The following PPP1R9A variants were observed in gnomAD, a reference collection of about 807,000 sequenced individuals.
PPP1R9A encodes the protein neurabin-1.
PPP1R9A carries 59 observed loss-of-function variants against 141.9 expected under a neutral mutation model. That is an observed-to-expected ratio of 0.42 (90% CI 0.34 to 0.52). The LOEUF is 0.52. Ranked by LOEUF, PPP1R9A falls within the 20% of genes least tolerant of loss-of-function variation. PPP1R9A has a pLI of 0.10. For synonymous variants in PPP1R9A, 500 were observed against 569.7 expected (o/e 0.88, Z 1.74); for missense variants, 1,444 against 1,611.9 (o/e 0.90, Z 1.78).
At position 94,987,567 on chromosome 7, in the gene PPP1R9A, C is replaced by G. The variant is rs192911882; in HGVS notation, c.1395+76059C>G. 3.7e-3 allele frequency among the ~76,000 whole-genome samples: 556 copies of G among 152,184 alleles called. 3 individuals are homozygous for G. The highest frequency in any genetic ancestry group is 0.013 in the African/African-American group (521 of 41,546). On this transcript the variant is annotated intron_variant, in intron 2 of 19. Transcript: ENST00000433360. ...CTGTAGCGTTATTTAAACTAGTGAACAGTCACATACCCTTACCCTAAAAGT... is the reference window on the plus strand; with the variant it reads ...CTGTAGCGTTATTTAAACTAGTGAAGAGTCACATACCCTTACCCTAAAAGT...
At chr7:95,036,857 TAC>T (rs1372067979) in intron 2 of PPP1R9A, 9 of 152,154 alleles carry the variant, frequency 5.9e-5, no homozygotes, top group African/African-American at 2.2e-4. Context: ...AGAGAATCCA[TAC>T]ACACTATCCA....
intron 4 of PPP1R9A, among the ~76,000 whole-genome samples, chr7:95,144,065 A>C (rs965905784): frequency 6.6e-6 from 1 of 152,158 alleles, no homozygotes; most frequent in South Asian, 2.1e-4. Context: ...ATTGTTAACT[A>C]TACTCACTAT....
At chr7:95,056,159 A>G (rs1477813762) in intron 2 of PPP1R9A, among the ~76,000 whole-genome samples, 1 of 152,232 alleles carries the variant, frequency 6.6e-6, no homozygotes, top group East Asian at 1.9e-4. Flanking sequence ...ACATTTCCTA[A>G]AGGCTGACAT....
At chr7:95,079,875 G>A (rs1321541801) in intron 2 of PPP1R9A, among the ~76,000 whole-genome samples, 1 of 152,200 alleles carries the variant, frequency 6.6e-6, no homozygotes, top group Non-Finnish European at 1.5e-5. Context: ...AAAGGCCTTT[G>A]ACAAAATTCA....
intron 17 of PPP1R9A, among the ~76,000 whole-genome samples, chr7:95,284,700 T>C (rs1804953229): frequency 6.6e-6 from 1 of 152,230 alleles, no homozygotes; most frequent in East Asian, 1.9e-4. Flanking sequence ...GCATCCTTAT[T>C]TATTTCTTCT....
intron 2 of PPP1R9A, among the ~76,000 whole-genome samples, chr7:95,108,281 CTTTTCT>C (rs1563246530): frequency 3.6e-5 from 4 of 111,934 alleles, no homozygotes; most frequent in Non-Finnish European, 7.0e-5. Context: ...TTTTCTTTTT[CTTTTCT>C]TTTCTTTTTC....
At position 94,986,760 on chromosome 7, in the gene PPP1R9A, G is replaced by T. The variant is rs555138318; in HGVS notation, c.1395+75252G>T. ...ACAATTATTATGTGTCAATTAAAAA[G>T]AAAAGGGAAAAAGAAATAGATTTAT... On this transcript the variant is annotated intron_variant, in intron 2 of 19. Transcript: ENST00000433360. Among the ~76,000 whole-genome samples, 141 of 152,224 alleles carry T rather than the reference G, an allele frequency of 9.3e-4. 1 individual carries two copies. Among genetic ancestry groups the T allele is most frequent in the African/African-American group, 3.3e-3 (138 of 41,552 alleles).
intron 5 of PPP1R9A, among the ~76,000 whole-genome samples, chr7:95,178,717 T>C (rs1833267144): frequency 6.6e-6 from 1 of 152,086 alleles, no homozygotes; most frequent in Non-Finnish European, 1.5e-5. Flanking sequence ...ACCACAGAAA[T>C]ACAAAAGATC....
intron 2 of PPP1R9A, among the ~76,000 whole-genome samples, chr7:95,093,757 T>G (rs2152353136): frequency 6.6e-6 from 1 of 152,314 alleles, no homozygotes; most frequent in Non-Finnish European, 1.5e-5. Flanking sequence ...TACATCTATG[T>G]TATTAAGTCA....
At chr7:94,907,472 C>T (rs1231595001), upstream of PPP1R9A, among the ~76,000 whole-genome samples, 2 of 152,102 alleles carry the variant, frequency 1.3e-5, no homozygotes, top group African/African-American at 2.4e-5. Flanking sequence ...GGGGCCCCAG[C>T]AGCGGTCAGC....
At chr7:95,166,399 G>C (rs181125685) in intron 5 of PPP1R9A, among the ~76,000 whole-genome samples, 1 of 152,186 alleles carries the variant, frequency 6.6e-6, no homozygotes, top group East Asian at 1.9e-4. Flanking sequence ...AAACAAACTA[G>C]AAAACTTAGA....
chr7:95,287,192 T>G, intron 18 of PPP1R9A: 1 of 1,575,712 alleles, frequency 6.3e-7, no homozygotes, highest in East Asian at 2.2e-5. Flanking sequence ...ATGTGTTTTT[T>G]CGCTCTTTGG....
intron 2 of PPP1R9A, among the ~76,000 whole-genome samples, chr7:94,915,201 T>G (rs554943139): frequency 8.5e-5 from 13 of 152,342 alleles, no homozygotes; most frequent in African/African-American, 3.1e-4. Context: ...GCACCAGAGC[T>G]TCTTCAAACC....
In PPP1R9A at chr7:95,293,442, C is replaced by A. The variant is rs1320483325; in HGVS notation, c.*3139C>A. 6.6e-6 allele frequency: 1 copy of A among 152,130 alleles called. No individual in the cohort carries two copies. 9.4% of individuals were successfully genotyped at this position (152,130 alleles called of 1,614,324 possible). ...GCTATCATCCTTTAGCTGGGATTGA[C>A]AATTGATTTCACACCCTCAACATCA... On this transcript the variant is annotated 3_prime_UTR_variant, in exon 20 of 20. Transcript: ENST00000433360.
intron 2 of PPP1R9A, among the ~76,000 whole-genome samples, chr7:94,944,445 AC>A (rs1010581987): frequency 9.6e-5 from 12 of 125,550 alleles, no homozygotes; most frequent in Middle Eastern, 4.3e-3. Flanking sequence ...AGAAATATCC[AC>A]CCCCCCACCC....
At chr7:94,949,008 G>T (rs1465031696) in intron 2 of PPP1R9A, among the ~76,000 whole-genome samples, 1 of 152,084 alleles carries the variant, frequency 6.6e-6, no homozygotes, top group Non-Finnish European at 1.5e-5. Flanking sequence ...TTTTACCTTT[G>T]TTTCCATTAA....
chr7:94,917,226 T>C (rs1584196949), intron 2 of PPP1R9A, among the ~76,000 whole-genome samples: 1 of 152,272 alleles, frequency 6.6e-6, no homozygotes, highest in East Asian at 1.9e-4. Flanking sequence ...CTTTGTAAAA[T>C]CAAATAATGA....
chr7:94,929,260 C>T (rs1036030800), intron 2 of PPP1R9A, among the ~76,000 whole-genome samples: 5 of 152,132 alleles, frequency 3.3e-5, no homozygotes, highest in Non-Finnish European at 5.9e-5. Flanking sequence ...AGCTTGAATT[C>T]GCTTGGGAGA....
Position 94,993,651 on chromosome 7 carries a change from C to T in PPP1R9A, c.1395+82143C>T, listed in dbSNP as rs191873721. Among the ~76,000 whole-genome samples, 27 of 152,114 alleles carry T rather than the reference C, an allele frequency of 1.8e-4. No individual in the cohort carries two copies. The East Asian group carries it at 5.2e-3, about 29-fold the overall frequency. ...TCCTAAATATTTCCTATTTTTGCTGCTAAGGTAGATGGCAATTTTTAAAAT... is the reference window on the plus strand; with the variant it reads ...TCCTAAATATTTCCTATTTTTGCTGTTAAGGTAGATGGCAATTTTTAAAAT... On this transcript the variant is annotated intron_variant, in intron 2 of 19. Transcript: ENST00000433360.
Sources: allele counts gnomAD v4.1 joint callset (sites outside exome capture counted in the v4.1 genomes callset), GRCh38; gene constraint gnomAD v4.1.1; transcripts MANE v1.5; gene names NCBI Gene and HGNC (gene_info 2026-07-23, HGNC 2026-07-21).